The following MTHFD2L variants were observed in gnomAD, a reference collection of about 807,000 sequenced individuals.
MTHFD2L encodes the protein bifunctional methylenetetrahydrofolate dehydrogenase/cyclohydrolase 2, mitochondrial.
A neutral mutation model predicts 34.9 loss-of-function variants in MTHFD2L; 29 were observed. That is an observed-to-expected ratio of 0.83 (90% confidence interval 0.62 to 1.13). The LOEUF (loss-of-function observed/expected upper bound fraction) is 1.13. Among genes scored for constraint, MTHFD2L ranks in the 50% most tolerant of loss-of-function variants. The probability of loss-of-function intolerance (pLI) is 0.00; values close to 1 mark genes in which losing one functional copy is unlikely to be tolerated. For missense variants in MTHFD2L, 481 were observed against 446.5 expected, an observed-to-expected ratio of 1.08 and a Z score of -0.70; for synonymous variants, 167 against 155.7, an observed-to-expected ratio of 1.07 and a Z score of -0.54.
intron 6 of MTHFD2L, among the ~76,000 whole-genome samples, chr4:74,236,526 TGTG>T (rs1356633466): frequency 6.6e-6 from 1 of 152,218 alleles, no homozygotes; most frequent in Admixed American, 6.5e-5. Flanking sequence ...CCTTCACACT[TGTG>T]GTATCCATTC....
chr4:74,157,944 A>T (rs1050768966), upstream of MTHFD2L: 3 of 870,208 alleles, frequency 3.4e-6, no homozygotes, highest in Non-Finnish European at 5.5e-6. Context: ...CCCCCTGCGG[A>T]CCCGGCACTC....
chr4:74,146,626 C>T (rs991513368), intron 1 of MTHFD2L, among the ~76,000 whole-genome samples: 1 of 152,090 alleles, frequency 6.6e-6, no homozygotes, highest in African/African-American at 2.4e-5. Flanking sequence ...TTGGGGTAGT[C>T]TTATTTTGGT....
intron 7 of MTHFD2L, among the ~76,000 whole-genome samples, chr4:74,286,187 A>G (rs1429518615): frequency 1.3e-5 from 2 of 152,184 alleles, no homozygotes; most frequent in Admixed American, 6.6e-5. Context: ...TATTACTTGA[A>G]CATACTTCCT....
At chr4:74,256,354 G>C (rs1744026009) in intron 6 of MTHFD2L, among the ~76,000 whole-genome samples, 1 of 151,992 alleles carries the variant, frequency 6.6e-6, no homozygotes, top group Non-Finnish European at 1.5e-5. Flanking sequence ...CAAGTGATCT[G>C]CCTGTCTCGG....
chr4:74,137,474 C>T (rs181156761), intron 1 of MTHFD2L, among the ~76,000 whole-genome samples: 3 of 152,058 alleles, frequency 2.0e-5, no homozygotes, highest in African/African-American at 7.2e-5. Flanking sequence ...TAACAGATGC[C>T]GGCAAGGATG....
intron 1 of MTHFD2L, among the ~76,000 whole-genome samples, chr4:74,173,682 A>G (rs1046787334): frequency 6.6e-6 from 1 of 152,220 alleles, no homozygotes; most frequent in Non-Finnish European, 1.5e-5. Flanking sequence ...AGTGGAGTCC[A>G]GTCTTCAAGA....
intron 1 of MTHFD2L, among the ~76,000 whole-genome samples, chr4:74,172,638 A>G (rs1032179889): frequency 6.6e-6 from 1 of 152,244 alleles, no homozygotes; most frequent in African/African-American, 2.4e-5. Flanking sequence ...ATTATTAGAC[A>G]TGCAGATTTC....
upstream of MTHFD2L, among the ~76,000 whole-genome samples, chr4:74,122,763 T>A (rs1348767433): frequency 6.6e-6 from 1 of 152,326 alleles, no homozygotes; most frequent in South Asian, 2.1e-4. Flanking sequence ...CATCCATTTA[T>A]CCACCCATAA....
At chr4:74,263,837 A>G (rs955992169) in intron 6 of MTHFD2L, among the ~76,000 whole-genome samples, 9 of 152,038 alleles carry the variant, frequency 5.9e-5, no homozygotes, top group African/African-American at 1.7e-4. Flanking sequence ...ATAATTCAGT[A>G]TATTAAAAGG....
upstream of MTHFD2L, among the ~76,000 whole-genome samples, chr4:74,121,667 T>C (rs2109775462): frequency 6.8e-6 from 1 of 146,032 alleles, no homozygotes; most frequent in African/African-American, 2.5e-5. Flanking sequence ...TAATTAAATA[T>C]ATATTTAATT....
At chr4:74,221,260 G>T (rs1205602450) in intron 5 of MTHFD2L, among the ~76,000 whole-genome samples, 1 of 151,306 alleles carries the variant, frequency 6.6e-6, no homozygotes, top group African/African-American at 2.4e-5. Flanking sequence ...CACATGAGAA[G>T]AAAATGTATT....
At chr4:74,247,462 G>A (rs370331891) in intron 6 of MTHFD2L, among the ~76,000 whole-genome samples, 12 of 151,728 alleles carry the variant, frequency 7.9e-5, no homozygotes, top group African/African-American at 1.5e-4. Flanking sequence ...CTAATTGAAT[G>A]CCCTTTATTT....
At chr4:74,152,881 T>C (rs1295454529) in intron 1 of MTHFD2L, among the ~76,000 whole-genome samples, 2 of 152,198 alleles carry the variant, frequency 1.3e-5, no homozygotes, top group Non-Finnish European at 2.9e-5. Context: ...AAGAAAACAC[T>C]CTGGGACAGA....
intron 6 of MTHFD2L, chr4:74,267,579 C>A (rs1745473192): frequency 3.2e-6 from 1 of 309,470 alleles, no homozygotes; most frequent in Non-Finnish European, 4.7e-6. Flanking sequence ...CCACCATGTC[C>A]AGCTTTGTTT....
intron 1 of MTHFD2L, among the ~76,000 whole-genome samples, chr4:74,167,636 G>T (rs1440406): frequency 0.022 from 3,425 of 152,266 alleles, 117 homozygotes; most frequent in African/African-American, 0.076. Context: ...GGACAGACTT[G>T]GCAAAGTGGT....
At chr4:74,198,490 C>T (rs1379282273) in intron 3 of MTHFD2L, among the ~76,000 whole-genome samples, 1 of 148,818 alleles carries the variant, frequency 6.7e-6, no homozygotes, top group Non-Finnish European at 1.5e-5. Context: ...AGTTGTTTTT[C>T]TTTTCATCTA....
At chr4:74,114,928 G>T (rs555665898) in intron 2 of MTHFD2L, among the ~76,000 whole-genome samples, 1 of 152,276 alleles carries the variant, frequency 6.6e-6, no homozygotes, top group African/African-American at 2.4e-5. Flanking sequence ...GATAGATGAG[G>T]TAACTGGGAC....
chr4:74,265,003 A>G (rs1279375100), intron 6 of MTHFD2L, among the ~76,000 whole-genome samples: 1 of 152,202 alleles, frequency 6.6e-6, no homozygotes, highest in African/African-American at 2.4e-5. Context: ...ATTTCAATTG[A>G]TGAGTATATA....
At chr4:74,253,868 T>C (rs1452104336) in intron 6 of MTHFD2L, among the ~76,000 whole-genome samples, 1 of 152,052 alleles carries the variant, frequency 6.6e-6, no homozygotes, top group African/African-American at 2.4e-5. Context: ...CCAGCCTGGC[T>C]CCATGGACCC....
Sources: allele counts gnomAD v4.1 joint callset (sites outside exome capture counted in the v4.1 genomes callset), GRCh38; gene constraint gnomAD v4.1.1; transcripts MANE v1.5; gene names NCBI Gene and HGNC (gene_info 2026-07-23, HGNC 2026-07-21).